ZBTB20: variants seen among roughly 807,000 people sequenced by gnomAD.
ZBTB20 encodes zinc finger and BTB domain-containing protein 20.
In ZBTB20, 9 loss-of-function variants were observed where a neutral mutation model predicts 56.9. The observed-to-expected ratio is 0.16, with a 90% CI of 0.10 to 0.28. The LOEUF (loss-of-function observed/expected upper bound fraction) is 0.28. Among genes scored for constraint, ZBTB20 ranks in the 10% least tolerant of loss-of-function variants. The probability of loss-of-function intolerance (pLI) is 1.00; values close to 1 mark genes in which losing one functional copy is unlikely to be tolerated. For synonymous variants in ZBTB20, 417 were observed against 420.7 expected (o/e 0.99, Z 0.11); for missense variants, 655 against 1,003.0 (o/e 0.65, Z 4.69).
intron 5 of ZBTB20, among the ~76,000 whole-genome samples, chr3:114,718,707 G>A (rs1356483480): frequency 6.6e-6 from 1 of 151,862 alleles, no homozygotes; most frequent in Non-Finnish European, 1.5e-5. Context: ...AGAAAAAAAA[G>A]GAACGTTTCT....
intron 6 of ZBTB20, among the ~76,000 whole-genome samples, chr3:114,558,633 A>G (rs751830043): frequency 6.6e-6 from 1 of 152,070 alleles, no homozygotes; most frequent in Non-Finnish European, 1.5e-5. Context: ...AACTGGGATT[A>G]CTTCCTTTTT....
In ZBTB20 at chr3:114,334,921, T is replaced by C. The variant is rs2108061403; in HGVS notation, c.*4084A>G. ...TCTTTGCTTAGCTTGTTTCCCCCTG[T>C]GTAGAATTGTAACAGATCCATGTGT... On this transcript the variant is annotated 3_prime_UTR_variant, in exon 12 of 12. Coordinates refer to ENST00000675478, the MANE Select transcript of ZBTB20 (RefSeq NM_001348800.3). The C allele has an allele frequency of 6.6e-6, 1 of 152,332 alleles. No individual in the cohort carries two copies. Among genetic ancestry groups the C allele is most frequent in the Admixed American group, 6.5e-5 (1 of 15,310 alleles). 9.4% of individuals were successfully genotyped at this position (152,332 alleles called of 1,614,324 possible).
intron 6 of ZBTB20, among the ~76,000 whole-genome samples, chr3:114,674,040 CT>C (rs1272778878): frequency 6.6e-6 from 1 of 152,036 alleles, no homozygotes; most frequent in Non-Finnish European, 1.5e-5. Context: ...GAAGAAAATG[CT>C]TTGGTATATA....
intron 7 of ZBTB20, among the ~76,000 whole-genome samples, chr3:114,498,566 CT>C (rs1167801469): frequency 1.3e-5 from 2 of 152,168 alleles, no homozygotes. Flanking sequence ...CCCGGTCACC[CT>C]GCTGATATGA....
rs545938792 is a variant in ZBTB20, at chr3:114,476,386, G to C, written c.-255+23966C>G. ...ATGTTTGAAATATCTAGAACAAAAA[G>C]GTAAAAAAGCATATTTATGTCTTAA... On this transcript the variant is annotated intron_variant, in intron 7 of 11. Coordinates refer to ENST00000675478, the MANE Select transcript of ZBTB20 (RefSeq NM_001348800.3). Among the ~76,000 whole-genome samples, 4 of 152,216 alleles carry C rather than the reference G, an allele frequency of 2.6e-5. No homozygotes were observed. In the East Asian group the frequency reaches 7.7e-4, roughly 29 times the overall value.
intron 3 of ZBTB20, among the ~76,000 whole-genome samples, chr3:114,938,227 T>A (rs1051521713): frequency 2.0e-5 from 3 of 146,570 alleles, no homozygotes; most frequent in Non-Finnish European, 4.4e-5. Flanking sequence ...GTAAGTCGCC[T>A]GTTCACTCTG....
At chr3:114,603,248 C>T (rs900015240) in intron 6 of ZBTB20, among the ~76,000 whole-genome samples, 6 of 151,872 alleles carry the variant, frequency 4.0e-5, no homozygotes, top group African/African-American at 7.2e-5. Flanking sequence ...TGTTCATTTT[C>T]GTTGTAATTG....
chr3:114,698,798 G>A (rs1313465872), intron 5 of ZBTB20, among the ~76,000 whole-genome samples: 4 of 152,060 alleles, frequency 2.6e-5, no homozygotes, highest in East Asian at 1.9e-4. Context: ...AAACAGATGC[G>A]TACTCTGTCC....
intron 6 of ZBTB20, among the ~76,000 whole-genome samples, chr3:114,572,314 T>C (rs886842350): frequency 2.0e-5 from 3 of 152,202 alleles, no homozygotes; most frequent in African/African-American, 4.8e-5. Context: ...AGATAGATTA[T>C]GGAATAACAC....
Position 114,338,856 on chromosome 3 carries a change from T to G in ZBTB20, c.*149A>C. On this transcript the variant is annotated 3_prime_UTR_variant, in exon 12 of 12. Coordinates refer to ENST00000675478, the MANE Select transcript of ZBTB20 (RefSeq NM_001348800.3). ...CCAGCAGGCAAAAAACAGTTCTTCATGTAGTACAAAATGAAACGAAACAAA... is the reference window on the plus strand; with the variant it reads ...CCAGCAGGCAAAAAACAGTTCTTCAGGTAGTACAAAATGAAACGAAACAAA... The G allele has an allele frequency of 3.4e-6, 3 of 884,586 alleles. No individual in the cohort carries two copies. The highest frequency in any genetic ancestry group is 4.9e-6 in the Non-Finnish European group (3 of 615,858). 54.8% of individuals were successfully genotyped at this position (884,586 alleles called of 1,614,324 possible). A position where few individuals can be genotyped will look rare whatever the true frequency, so the allele number is the denominator to read the frequency against.
Position 114,758,405 on chromosome 3 carries a change from A to G in ZBTB20, c.-343+42696T>C, listed in dbSNP as rs1433740600. On this transcript the variant is annotated intron_variant, in intron 5 of 11. Coordinates refer to ENST00000675478, the MANE Select transcript of ZBTB20 (RefSeq NM_001348800.3). The stretch of plus-strand genomic sequence containing the variant: ...CACTTTAGTTATTATAGACGTCTGA[A>G]GTTTAAGTATTCCAAAACTATAATG... Among the ~76,000 whole-genome samples the G allele has an allele frequency of 2.6e-5, 4 of 152,146 alleles. No homozygotes were observed. The East Asian group carries it at 7.7e-4, about 29-fold the overall frequency.
At chr3:114,911,122 CAA>C (rs34080044) in intron 3 of ZBTB20, among the ~76,000 whole-genome samples, 13,636 of 150,888 alleles carry the variant, frequency 0.09, 1,374 homozygotes, top group African/African-American at 0.25. Flanking sequence ...CTAGTTATCC[CAA>C]AAAAAAAAGT....
intron 6 of ZBTB20, among the ~76,000 whole-genome samples, chr3:114,571,427 A>G (rs2053424837): frequency 6.6e-6 from 1 of 152,184 alleles, no homozygotes; most frequent in Admixed American, 6.5e-5. Flanking sequence ...CAAAGAACTC[A>G]AAATAACATA....
chr3:115,034,238 T>C (rs1038980717), intron 2 of ZBTB20, among the ~76,000 whole-genome samples: 2 of 151,292 alleles, frequency 1.3e-5, no homozygotes, highest in African/African-American at 4.8e-5. Flanking sequence ...AGCAGTTAAT[T>C]AGGAAAAAAA....
intron 6 of ZBTB20, among the ~76,000 whole-genome samples, chr3:114,637,838 T>C (rs778216766): frequency 2.6e-5 from 4 of 152,130 alleles, no homozygotes; most frequent in Non-Finnish European, 5.9e-5. Flanking sequence ...TATCATTATT[T>C]TATTGATTGA....
intron 1 of ZBTB20, among the ~76,000 whole-genome samples, chr3:115,086,339 T>C (rs1334625505): frequency 6.6e-6 from 1 of 151,904 alleles, no homozygotes; most frequent in East Asian, 1.9e-4. Context: ...TTTTCAGTCA[T>C]TTCTAGTTTA....
chr3:114,700,129 C>T (rs1299041560), intron 5 of ZBTB20, among the ~76,000 whole-genome samples: 1 of 151,882 alleles, frequency 6.6e-6, no homozygotes, highest in Non-Finnish European at 1.5e-5. Flanking sequence ...TAATTTTTGA[C>T]TCTTTAGAGT....
intron 7 of ZBTB20, among the ~76,000 whole-genome samples, chr3:114,490,440 C>G (rs2042613027): frequency 6.6e-6 from 1 of 152,070 alleles, no homozygotes; most frequent in Admixed American, 6.6e-5. Context: ...CCAGGCTGGT[C>G]TCGAACTCTT....
chr3:114,823,439 C>T (rs993780272), intron 4 of ZBTB20, among the ~76,000 whole-genome samples: 3 of 151,608 alleles, frequency 2.0e-5, no homozygotes, highest in African/African-American at 2.4e-5. Context: ...ATATATTTTC[C>T]AAAGAAAGGA....
Sources: allele counts gnomAD v4.1 joint callset (sites outside exome capture counted in the v4.1 genomes callset), GRCh38; gene constraint gnomAD v4.1.1; transcripts MANE v1.5; gene names NCBI Gene and HGNC (gene_info 2026-07-23, HGNC 2026-07-21).